TENM4: variants seen among roughly 807,000 people sequenced by gnomAD.
The protein encoded by TENM4 is teneurin-4.
A neutral mutation model predicts 243.3 loss-of-function variants in TENM4; 82 were observed. That is an observed-to-expected ratio of 0.34 (90% CI 0.28 to 0.40). The LOEUF is 0.40. Ranked by LOEUF, TENM4 falls within the 10% of genes least tolerant of loss-of-function variation. The pLI is 1.00. For synonymous variants in TENM4, 1,412 were observed against 1,456.3 expected (o/e 0.97, Z 0.69); for missense variants, 3,138 against 3,673.3 (o/e 0.85, Z 3.77).
chr11:79,106,517 T>C (rs1455209238), intron 4 of TENM4, among the ~76,000 whole-genome samples: 1 of 152,188 alleles, frequency 6.6e-6, no homozygotes, highest in East Asian at 1.9e-4. Context: ...GGAAGAAGCA[T>C]GTGAGGAAAG....
chr11:78,955,764 T>C (rs1857197195), intron 6 of TENM4, among the ~76,000 whole-genome samples: 2 of 152,194 alleles, frequency 1.3e-5, no homozygotes, highest in African/African-American at 4.8e-5. Flanking sequence ...AGAAAGCCAA[T>C]GTGGCAATTA....
At position 78,959,914 on chromosome 11, in the gene TENM4, A is replaced by G. The variant is rs911484382; in HGVS notation, c.494-56391T>C. On this transcript the variant is annotated intron_variant, in intron 6 of 33. Coordinates refer to ENST00000278550, the MANE Select transcript of TENM4 (RefSeq NM_001098816.3). ...GTGTAAGGCTTACTCAGAAATGAAC[A>G]AAGAACATCATTACACATATACACA... 1.2e-3 allele frequency among the ~76,000 whole-genome samples: 188 copies of G among 152,284 alleles called. 1 individual carries two copies. The highest frequency in any genetic ancestry group is 6.9e-4 in the Non-Finnish European group (47 of 68,030).
At chr11:78,934,404 ACATGAAT>A (rs11279899) in intron 6 of TENM4, among the ~76,000 whole-genome samples, 75,336 of 151,378 alleles carry the variant, frequency 0.5, 22,375 homozygotes, top group East Asian at 0.76. Flanking sequence ...TCTCAGGGAA[ACATGAAT>A]CATGTGGGAT....
chr11:79,311,706 C>T (rs889740853), intron 1 of TENM4, among the ~76,000 whole-genome samples: 1 of 152,108 alleles, frequency 6.6e-6, no homozygotes, highest in African/African-American at 2.4e-5. Context: ...TACATGGTGG[C>T]CACCACACAC....
chr11:78,896,023 T>C (rs1191205226), intron 7 of TENM4, among the ~76,000 whole-genome samples: 1 of 152,152 alleles, frequency 6.6e-6, no homozygotes, highest in Admixed American at 6.5e-5. Flanking sequence ...CCCATGTGTC[T>C]GACTTAAGGC....
At chr11:79,317,599 G>A (rs946403419) in intron 1 of TENM4, among the ~76,000 whole-genome samples, 13 of 152,008 alleles carry the variant, frequency 8.6e-5, no homozygotes, top group African/African-American at 2.4e-4. Flanking sequence ...TTCAGAGATC[G>A]TAAAATGAAA....
At chr11:79,183,202 C>A (rs1481580892) in intron 3 of TENM4, among the ~76,000 whole-genome samples, 2 of 152,196 alleles carry the variant, frequency 1.3e-5, no homozygotes, top group East Asian at 3.9e-4. Context: ...GTGGTACATC[C>A]AGACAATGGA....
chr11:79,291,505 A>G (rs983398279), intron 2 of TENM4, among the ~76,000 whole-genome samples: 4 of 152,160 alleles, frequency 2.6e-5, no homozygotes, highest in African/African-American at 9.7e-5. Flanking sequence ...CCCTGCAAAC[A>G]GGGAGAAGAG....
chr11:78,896,666 A>C (rs1208690166), intron 7 of TENM4, among the ~76,000 whole-genome samples: 1 of 152,096 alleles, frequency 6.6e-6, no homozygotes, highest in Admixed American at 6.5e-5. Context: ...CTCTCAGCTA[A>C]AAATTCCTTT....
chr11:78,661,714 G>A, intron 32 of TENM4, 123 bp from the exon 33 acceptor site: 1 of 1,235,746 alleles, frequency 8.1e-7, no homozygotes, highest in South Asian at 1.5e-5. Context: ...CTGCTGGTGG[G>A]AGAGTCAACT....
chr11:79,406,620 G>A (rs1038884889), intron 1 of TENM4, among the ~76,000 whole-genome samples: 16 of 152,112 alleles, frequency 1.1e-4, no homozygotes, highest in Admixed American at 4.6e-4. Flanking sequence ...CCAGTCCCCC[G>A]TGGAAAACAC....
At chr11:79,164,346 T>C (rs1407729020) in intron 3 of TENM4, among the ~76,000 whole-genome samples, 1 of 54,130 alleles carries the variant, frequency 1.8e-5, no homozygotes, top group Non-Finnish European at 4.8e-5. Flanking sequence ...AGATATACTA[T>C]ATAGATACTA....
intron 9 of TENM4, among the ~76,000 whole-genome samples, chr11:78,888,251 G>T (rs918601389): frequency 2.6e-5 from 4 of 152,200 alleles, no homozygotes; most frequent in Non-Finnish European, 5.9e-5. Flanking sequence ...ATCACAGATA[G>T]TCTCTTACAT....
At chr11:79,398,142 C>T (rs1858383339) in intron 1 of TENM4, among the ~76,000 whole-genome samples, 1 of 152,162 alleles carries the variant, frequency 6.6e-6, no homozygotes, top group Admixed American at 6.5e-5. Flanking sequence ...AGCATCGGCC[C>T]AAGTTTGCTA....
chr11:78,782,829 C>G (rs1306352288), intron 16 of TENM4, among the ~76,000 whole-genome samples: 1 of 149,804 alleles, frequency 6.7e-6, no homozygotes, highest in Non-Finnish European at 1.5e-5. Flanking sequence ...TTTATAATTT[C>G]TCTTCATTGG....
chr11:79,096,065 A>G (rs1396247089), intron 4 of TENM4: 1 of 152,238 alleles, frequency 6.6e-6, no homozygotes, highest in Non-Finnish European at 1.5e-5. Flanking sequence ...TGTGGATACT[A>G]GAGTCAGAGC....
intron 1 of TENM4, among the ~76,000 whole-genome samples, chr11:79,430,467 A>T (rs1319279416): frequency 6.6e-6 from 1 of 152,188 alleles, no homozygotes; most frequent in Non-Finnish European, 1.5e-5. Flanking sequence ...TTGAGTAACC[A>T]CCTGATGCCT....
chr11:78,955,408 T>G (rs1341967670), intron 6 of TENM4, among the ~76,000 whole-genome samples: 1 of 152,216 alleles, frequency 6.6e-6, no homozygotes, highest in Non-Finnish European at 1.5e-5. Context: ...TGGTTTAAAA[T>G]GTGGTCTGGT....
At chr11:78,935,141 A>T in intron 6 of TENM4, among the ~76,000 whole-genome samples, 1 of 150,484 alleles carries the variant, frequency 6.6e-6, no homozygotes, top group East Asian at 2.0e-4. Context: ...CCTCCCGAGT[A>T]GCTGGGACTA....
Sources: gnomAD v4.1 joint callset for allele counts (sites outside exome capture counted in the v4.1 genomes callset) on GRCh38, gnomAD v4.1.1 for gene constraint, MANE v1.5 for transcripts, NCBI Gene and HGNC (gene_info 2026-07-23, HGNC 2026-07-21) for gene names.